The following ERC2 variants were observed in gnomAD, a reference collection of about 807,000 sequenced individuals.
ERC2 encodes the protein ELKS/RAB6-interacting/CAST family member 2, also known as ERC protein 2.
A neutral mutation model predicts 114.8 loss-of-function variants in ERC2; 42 were observed. The observed-to-expected ratio is 0.37, with a 90% CI of 0.29 to 0.47. ERC2 has a LOEUF of 0.47. ERC2 is among the 20% of genes least tolerant of loss of function. The pLI, the probability that ERC2 is intolerant of heterozygous loss-of-function variation, is 0.99. For missense variants in ERC2, 939 were observed against 1,150.7 expected (o/e 0.82, Z 2.66); for synonymous variants, 454 against 425.5 (o/e 1.07, Z -0.82).
intron 1 of ERC2, among the ~76,000 whole-genome samples, chr3:56,465,075 G>A (rs1395472226): frequency 6.6e-6 from 1 of 152,142 alleles, no homozygotes; most frequent in African/African-American, 2.4e-5. Flanking sequence ...AGACTGATAA[G>A]GCTTACATCT....
intron 13 of ERC2, among the ~76,000 whole-genome samples, chr3:55,917,699 AC>A (rs1370479551): frequency 8.5e-5 from 13 of 152,154 alleles, no homozygotes; most frequent in African/African-American, 3.1e-4. Context: ...TTTTGAGGTA[AC>A]AAAAATGTTC....
At chr3:55,615,020 TG>T (rs1161316379) in intron 17 of ERC2, among the ~76,000 whole-genome samples, 1 of 152,268 alleles carries the variant, frequency 6.6e-6, no homozygotes, top group Non-Finnish European at 1.5e-5. Flanking sequence ...GATGTTTATT[TG>T]ATACTTATTG....
intron 7 of ERC2, among the ~76,000 whole-genome samples, chr3:56,021,902 T>G (rs1210393210): frequency 1.3e-5 from 2 of 152,228 alleles, no homozygotes; most frequent in Non-Finnish European, 2.9e-5. Flanking sequence ...AGACATTATC[T>G]CATTCTTTTT....
At chr3:55,716,001 C>A (rs745898209) in intron 15 of ERC2, among the ~76,000 whole-genome samples, 9 of 152,168 alleles carry the variant, frequency 5.9e-5, no homozygotes, top group Non-Finnish European at 1.0e-4. Context: ...AGGCACCCAA[C>A]CTTCATCAAA....
At chr3:56,317,298 C>T (rs1171835624) in intron 2 of ERC2, among the ~76,000 whole-genome samples, 1 of 152,114 alleles carries the variant, frequency 6.6e-6, no homozygotes, top group Non-Finnish European at 1.5e-5. Context: ...TATATACATA[C>T]TTTTTAAATG....
intron 6 of ERC2, among the ~76,000 whole-genome samples, chr3:56,129,865 A>T (rs2080102564): frequency 6.6e-6 from 1 of 152,232 alleles, no homozygotes; most frequent in Non-Finnish European, 1.5e-5. Context: ...TAGAAATTAA[A>T]GTGATTCTGT....
At chr3:56,389,517 A>C (rs956041479) in intron 2 of ERC2, among the ~76,000 whole-genome samples, 4 of 152,106 alleles carry the variant, frequency 2.6e-5, no homozygotes, top group African/African-American at 9.7e-5. Context: ...AGACCATCCC[A>C]CCTGCAACAG....
intron 7 of ERC2, among the ~76,000 whole-genome samples, chr3:56,079,608 T>C (rs2077132664): frequency 6.6e-6 from 1 of 152,062 alleles, no homozygotes; most frequent in Non-Finnish European, 1.5e-5. Flanking sequence ...TGGGGACAGC[T>C]CCATGGACCT....
chr3:56,367,021 A>G (rs2059175502), intron 2 of ERC2, among the ~76,000 whole-genome samples: 2 of 152,158 alleles, frequency 1.3e-5, no homozygotes, highest in Non-Finnish European at 1.5e-5. Flanking sequence ...AACAAGCATC[A>G]CTTTCACCAA....
intron 14 of ERC2, among the ~76,000 whole-genome samples, chr3:55,792,421 A>G (rs1277084456): frequency 6.6e-6 from 1 of 152,204 alleles, no homozygotes; most frequent in Non-Finnish European, 1.5e-5. Flanking sequence ...TTATCTTATT[A>G]ATATATAATT....
chr3:56,431,830 T>G (rs1180213192), intron 2 of ERC2, among the ~76,000 whole-genome samples: 4 of 152,224 alleles, frequency 2.6e-5, no homozygotes, highest in Non-Finnish European at 5.9e-5. Context: ...GTATTAAATA[T>G]ACAGATTAAT....
intron 9 of ERC2, among the ~76,000 whole-genome samples, chr3:56,009,082 A>G (rs1313639472): frequency 6.6e-6 from 1 of 152,234 alleles, no homozygotes; most frequent in East Asian, 1.9e-4. Flanking sequence ...AAGTCATACA[A>G]TGTTGGCATT....
chr3:55,574,714 G>T (rs956767062), intron 17 of ERC2, among the ~76,000 whole-genome samples: 6 of 152,182 alleles, frequency 3.9e-5, no homozygotes, highest in Non-Finnish European at 8.8e-5. Flanking sequence ...TCAAGTGATG[G>T]TGGCATTGCT....
At chr3:56,358,360 C>G (rs4974204) in intron 2 of ERC2, among the ~76,000 whole-genome samples, 35,344 of 152,072 alleles carry the variant, frequency 0.23, 4,687 homozygotes, top group Non-Finnish European at 0.29. Context: ...ACTTTCCATA[C>G]ATATTCTTTT....
intron 3 of ERC2, among the ~76,000 whole-genome samples, chr3:56,219,463 G>A (rs2049748980): frequency 1.3e-5 from 2 of 152,066 alleles, no homozygotes; most frequent in South Asian, 4.2e-4. Flanking sequence ...GGTGTATAGT[G>A]GTGAACAAAA....
At chr3:55,629,509 T>C (rs753851553) in intron 17 of ERC2, among the ~76,000 whole-genome samples, 7 of 152,248 alleles carry the variant, frequency 4.6e-5, no homozygotes, top group Non-Finnish European at 8.8e-5. Flanking sequence ...TATTCCTTGC[T>C]TCTTGTTACT....
chr3:55,972,547 G>A (rs2069245493), intron 12 of ERC2, among the ~76,000 whole-genome samples: 1 of 152,148 alleles, frequency 6.6e-6, no homozygotes, highest in African/African-American at 2.4e-5. Context: ...CTGTTCCTGT[G>A]TTAGTTTGCT....
At chr3:55,910,561 C>T (rs1252569036) in intron 13 of ERC2, among the ~76,000 whole-genome samples, 1 of 152,272 alleles carries the variant, frequency 6.6e-6, no homozygotes, top group East Asian at 1.9e-4. Context: ...TAAGAGTCAA[C>T]ATCAATACCC....
chr3:56,189,885 C>A (rs1453572539), intron 3 of ERC2, among the ~76,000 whole-genome samples: 3 of 152,202 alleles, frequency 2.0e-5, no homozygotes, highest in Non-Finnish European at 4.4e-5. Flanking sequence ...TATTTTATGG[C>A]ATTTGCCCTT....
Sources: allele counts gnomAD v4.1 joint callset (sites outside exome capture counted in the v4.1 genomes callset), GRCh38; gene constraint gnomAD v4.1.1; transcripts MANE v1.5; gene names NCBI Gene and HGNC (gene_info 2026-07-23, HGNC 2026-07-21).